The following PDE1A variants were observed in gnomAD, a reference collection of about 807,000 sequenced individuals.
PDE1A encodes phosphodiesterase 1A.
A neutral mutation model predicts 61.7 loss-of-function variants in PDE1A; 35 were observed. The observed-to-expected ratio is 0.57, with a 90% confidence interval of 0.43 to 0.75. The LOEUF (loss-of-function observed/expected upper bound fraction) is 0.75, where lower values mean the gene tolerates loss of function less well. PDE1A is among the 30% of genes least tolerant of loss of function. The pLI is 0.00. For synonymous variants in PDE1A, 232 were observed against 213.2 expected (o/e 1.09, Z -0.77); for missense variants, 597 against 630.6 (o/e 0.95, Z 0.57).
chr2:182,380,805 G>A (rs1700690689), intron 1 of PDE1A, among the ~76,000 whole-genome samples: 1 of 152,268 alleles, frequency 6.6e-6, no homozygotes, highest in East Asian at 1.9e-4. Context: ...AGTTCACAAG[G>A]TAACCAGACT....
chr2:182,572,272 G>C, the PDE1A span, among the ~76,000 whole-genome samples: 3 of 152,146 alleles, frequency 2.0e-5, no homozygotes, highest in East Asian at 5.8e-4. Context: ...CACTAAAGAA[G>C]AATGAGGAGA....
the PDE1A span, among the ~76,000 whole-genome samples, chr2:182,582,631 A>G: frequency 1.3e-5 from 2 of 152,202 alleles, no homozygotes; most frequent in African/African-American, 4.8e-5. Context: ...ACAATGATGC[A>G]CAAATGCAAA....
At chr2:182,507,112 G>A (rs376275275) in intron 2 of PDE1A, among the ~76,000 whole-genome samples, 65 of 152,006 alleles carry the variant, frequency 4.3e-4, no homozygotes, top group African/African-American at 5.1e-4. Flanking sequence ...GTTTATTTTC[G>A]TAAGCTCTAA....
chr2:182,244,916 A>T (rs1296618647), intron 2 of PDE1A, among the ~76,000 whole-genome samples: 1 of 152,182 alleles, frequency 6.6e-6, no homozygotes, highest in Admixed American at 6.5e-5. Context: ...TGACAGAAAT[A>T]GTAGCTGCAG....
intron 1 of PDE1A, among the ~76,000 whole-genome samples, chr2:182,292,614 T>C (rs934441226): frequency 7.9e-5 from 12 of 152,032 alleles, no homozygotes; most frequent in Non-Finnish European, 1.3e-4. Flanking sequence ...TGAATAATAG[T>C]ACAAAATTTG....
At chr2:182,454,560 C>G (rs1297494461) in intron 2 of PDE1A, among the ~76,000 whole-genome samples, 1 of 151,736 alleles carries the variant, frequency 6.6e-6, no homozygotes, top group Admixed American at 6.6e-5. Context: ...GGTACTGGTA[C>G]CAAAACAGAG....
chr2:182,656,885 C>G, the PDE1A span, among the ~76,000 whole-genome samples: 1 of 152,116 alleles, frequency 6.6e-6, no homozygotes, highest in Non-Finnish European at 1.5e-5. Context: ...TTTCTCTTAT[C>G]TATGTTTTCT....
chr2:182,397,264 A>C (rs755632466), intron 1 of PDE1A, among the ~76,000 whole-genome samples: 1 of 152,164 alleles, frequency 6.6e-6, no homozygotes, highest in East Asian at 1.9e-4. Context: ...GAAATAACAA[A>C]ATTTACAAAT....
intron 2 of PDE1A, among the ~76,000 whole-genome samples, chr2:182,261,326 C>T (rs1397195010): frequency 6.6e-6 from 1 of 152,148 alleles, no homozygotes; most frequent in East Asian, 1.9e-4. Context: ...CTTTAATTAT[C>T]TCATTAGTAA....
At chr2:182,231,101 C>G (rs757389582) in exon 5 of PDE1A, 1 of 1,601,762 alleles carries the variant, frequency 6.2e-7, no homozygotes, top group South Asian at 1.1e-5. Context: ...TCATTTAGGG[C>G]AAATACATCG....
At chr2:182,201,390 G>C (rs754078452) in intron 10 of PDE1A, 49 bp downstream of exon 10, 4 of 1,604,914 alleles carry the variant, frequency 2.5e-6, no homozygotes, top group Non-Finnish European at 3.4e-6. Flanking sequence ...ACGCTAATAT[G>C]CACAGTCACT....
intron 1 of PDE1A, among the ~76,000 whole-genome samples, chr2:182,277,040 T>C (rs868185547): frequency 2.0e-5 from 3 of 152,096 alleles, no homozygotes; most frequent in Admixed American, 2.0e-4. Context: ...CAGCTGAACA[T>C]AGACCCTCAT....
chr2:182,677,766 G>A, the PDE1A span, among the ~76,000 whole-genome samples: 4 of 152,152 alleles, frequency 2.6e-5, no homozygotes, highest in South Asian at 8.3e-4. Context: ...AACAAGCAAT[G>A]GGAAAAGGAC....
intron 7 of PDE1A, among the ~76,000 whole-genome samples, chr2:182,208,414 C>G (rs1687296046): frequency 6.6e-6 from 1 of 152,110 alleles, no homozygotes; most frequent in Non-Finnish European, 1.5e-5. Context: ...AGAATTCCCT[C>G]ACTATTATGA....
intron 13 of PDE1A, among the ~76,000 whole-genome samples, chr2:182,157,057 C>A (rs972387036): frequency 6.7e-6 from 1 of 149,500 alleles, no homozygotes; most frequent in Non-Finnish European, 1.5e-5. Flanking sequence ...CTCTGTCACC[C>A]AGGCTGGAGT....
At chr2:182,489,318 C>A (rs1052264977) in intron 2 of PDE1A, among the ~76,000 whole-genome samples, 7 of 151,928 alleles carry the variant, frequency 4.6e-5, no homozygotes, top group African/African-American at 1.7e-4. Context: ...AGAGAAGGGC[C>A]GAATTACAAA....
chr2:182,349,452 T>A (rs17264894), intron 1 of PDE1A, among the ~76,000 whole-genome samples: 49,207 of 152,090 alleles, frequency 0.32, 9,749 homozygotes, highest in Middle Eastern at 0.45. Flanking sequence ...TGTTTAGATT[T>A]TGTCATGTTT....
chr2:182,387,185 A>G (rs1247203143), intron 1 of PDE1A, among the ~76,000 whole-genome samples: 1 of 152,194 alleles, frequency 6.6e-6, no homozygotes, highest in Non-Finnish European at 1.5e-5. Context: ...AGGGCAGTGC[A>G]AGATGTGCTT....
the PDE1A span, among the ~76,000 whole-genome samples, chr2:182,635,653 C>CA: frequency 6.8e-6 from 1 of 147,398 alleles, no homozygotes; most frequent in African/African-American, 2.5e-5. Context: ...ATTTATGGAT[C>CA]ACTTTGTTTT....
Sources: allele counts gnomAD v4.1 joint callset (sites outside exome capture counted in the v4.1 genomes callset), GRCh38; gene constraint gnomAD v4.1.1; transcripts MANE v1.5; gene names NCBI Gene and HGNC (gene_info 2026-07-23, HGNC 2026-07-21).